Variants in MLLT3 observed in about 807,000 individuals in gnomAD.
MLLT3 encodes the protein protein AF-9.
MLLT3 carries 4 observed loss-of-function variants against 53.2 expected under a neutral mutation model. That is an observed-to-expected ratio of 0.08 (90% CI 0.04 to 0.17). MLLT3 has a LOEUF of 0.17. Ranked by LOEUF, MLLT3 falls within the 10% of genes least tolerant of loss-of-function variation. MLLT3 has a pLI of 1.00. For missense variants in MLLT3, 569 were observed against 684.0 expected (o/e 0.83, Z 1.87); for synonymous variants, 283 against 230.6 (o/e 1.23, Z -2.06).
chr9:20,587,781 T>C (rs1172653727), intron 2 of MLLT3, among the ~76,000 whole-genome samples: 1 of 151,996 alleles, frequency 6.6e-6, no homozygotes, highest in East Asian at 1.9e-4. Context: ...TTTTCTCCCA[T>C]TTTGTAGGTT....
intron 2 of MLLT3, among the ~76,000 whole-genome samples, chr9:20,555,825 G>T (rs1200589745): frequency 6.6e-6 from 1 of 152,186 alleles, no homozygotes; most frequent in Non-Finnish European, 1.5e-5. Context: ...ACGTCTAAAA[G>T]GGAACAAAAT....
At chr9:20,414,500 A>T (rs1822824817) in intron 4 of MLLT3, 75 bp from the exon 5 acceptor site, 4 of 1,579,992 alleles carry the variant, frequency 2.5e-6, no homozygotes, top group Non-Finnish European at 3.4e-6. Context: ...TCTACATAAA[A>T]TGATCCTTCT....
chr9:20,556,661 C>T (rs551597443), intron 2 of MLLT3, among the ~76,000 whole-genome samples: 273 of 151,960 alleles, frequency 1.8e-3, no homozygotes, highest in African/African-American at 6.1e-3. Flanking sequence ...CCAGCCTGGG[C>T]GAAAGAGCAA....
intron 2 of MLLT3, among the ~76,000 whole-genome samples, chr9:20,601,509 A>G (rs1820419284): frequency 6.6e-6 from 1 of 152,206 alleles, no homozygotes. Context: ...AATGTCTACT[A>G]AGATAGAGTT....
At chr9:20,616,943 T>C (rs1219502964) in intron 2 of MLLT3, among the ~76,000 whole-genome samples, 1 of 152,160 alleles carries the variant, frequency 6.6e-6, no homozygotes, top group Non-Finnish European at 1.5e-5. Flanking sequence ...ACCTTGCCAA[T>C]GTTCTCCAAA....
intron 4 of MLLT3, among the ~76,000 whole-genome samples, chr9:20,434,073 A>T (rs1823343838): frequency 6.6e-6 from 1 of 152,112 alleles, no homozygotes; most frequent in South Asian, 2.1e-4. Context: ...GTGAGCCAAG[A>T]CGGTGCCACT....
chr9:20,576,952 G>C (rs1393744878), intron 2 of MLLT3, among the ~76,000 whole-genome samples: 8 of 152,062 alleles, frequency 5.3e-5, no homozygotes, highest in African/African-American at 1.9e-4. Context: ...ACCAGTCTGG[G>C]CAATATAGTG....
At chr9:20,470,963 G>A (rs1457253002) in intron 2 of MLLT3, among the ~76,000 whole-genome samples, 1 of 151,898 alleles carries the variant, frequency 6.6e-6, no homozygotes, top group Non-Finnish European at 1.5e-5. Flanking sequence ...TTTCTTCCTT[G>A]GAGATAACAA....
chr9:20,526,423 C>T (rs1818204978), intron 2 of MLLT3, among the ~76,000 whole-genome samples: 1 of 152,130 alleles, frequency 6.6e-6, no homozygotes, highest in Non-Finnish European at 1.5e-5. Flanking sequence ...TTAACAGAAG[C>T]ATAGAATACA....
intron 2 of MLLT3, among the ~76,000 whole-genome samples, chr9:20,488,608 G>T (rs6475445): frequency 0.2 from 30,822 of 151,978 alleles, 3,516 homozygotes; most frequent in East Asian, 0.45. Context: ...CTTGTAACAT[G>T]AATAGATCTC....
At chr9:20,589,566 C>T (rs1184945323) in intron 2 of MLLT3, among the ~76,000 whole-genome samples, 2 of 142,972 alleles carry the variant, frequency 1.4e-5, no homozygotes, top group Admixed American at 7.1e-5. Context: ...CACATGTACC[C>T]TAAAACTTAA....
At chr9:20,467,618 A>C (rs1824268804) in intron 2 of MLLT3, among the ~76,000 whole-genome samples, 1 of 152,208 alleles carries the variant, frequency 6.6e-6, no homozygotes, top group African/African-American at 2.4e-5. Flanking sequence ...GTCGATGAGC[A>C]GATTTAATCT....
chr9:20,408,043 G>T (rs1430576212), intron 5 of MLLT3, among the ~76,000 whole-genome samples: 4 of 152,162 alleles, frequency 2.6e-5, no homozygotes, highest in Non-Finnish European at 4.4e-5. Flanking sequence ...CTCTCTTAAA[G>T]AAGGCTCACA....
chr9:20,541,998 C>G (rs1435315626), intron 2 of MLLT3, among the ~76,000 whole-genome samples: 1 of 152,122 alleles, frequency 6.6e-6, no homozygotes, highest in African/African-American at 2.4e-5. Context: ...AATAGTATAT[C>G]TTTTCCAGAG....
chr9:20,612,385 T>C (rs1820724355), intron 2 of MLLT3, among the ~76,000 whole-genome samples: 1 of 152,162 alleles, frequency 6.6e-6, no homozygotes, highest in Admixed American at 6.5e-5. Context: ...GTATCCTACA[T>C]ATATATTGCC....
chr9:20,491,401 C>T (rs754548469), intron 2 of MLLT3, among the ~76,000 whole-genome samples: 2 of 151,958 alleles, frequency 1.3e-5, no homozygotes, highest in Non-Finnish European at 2.9e-5. Context: ...AGAGGAGATA[C>T]ATCCCTGCTC....
At chr9:20,552,937 T>TA (rs1023681170) in intron 2 of MLLT3, among the ~76,000 whole-genome samples, 1 of 152,030 alleles carries the variant, frequency 6.6e-6, no homozygotes. Flanking sequence ...AGTTGCAAGG[T>TA]AAAAAAATAA....
intron 2 of MLLT3, among the ~76,000 whole-genome samples, chr9:20,463,622 T>C (rs1182918448): frequency 6.6e-6 from 1 of 152,184 alleles, no homozygotes. Context: ...TAACTCAGTA[T>C]ACAGAATTGT....
intron 2 of MLLT3, among the ~76,000 whole-genome samples, chr9:20,587,864 T>G (rs1044118358): frequency 3.3e-5 from 5 of 152,192 alleles, no homozygotes; most frequent in Non-Finnish European, 7.3e-5. Context: ...CATTTGTCAA[T>G]TTTGGCTTTT....
Sources: allele counts gnomAD v4.1 joint callset (sites outside exome capture counted in the v4.1 genomes callset), GRCh38; gene constraint gnomAD v4.1.1; transcripts MANE v1.5; gene names NCBI Gene and HGNC (gene_info 2026-07-23, HGNC 2026-07-21).